The following NPAS3 variants were observed in gnomAD, a reference collection of about 807,000 sequenced individuals.
The protein encoded by NPAS3 is neuronal PAS domain protein 3.
NPAS3 carries 14 observed loss-of-function variants against 73.1 expected under a neutral mutation model. The observed-to-expected ratio is 0.19, with a 90% CI of 0.13 to 0.30. The LOEUF (loss-of-function observed/expected upper bound fraction) is 0.30. Among genes scored for constraint, NPAS3 ranks in the 10% least tolerant of loss-of-function variants. NPAS3 has a pLI of 1.00. For synonymous variants in NPAS3, 620 were observed against 541.5 expected (o/e 1.14, Z -2.01); for missense variants, 1,096 against 1,250.0 (o/e 0.88, Z 1.86).
chr14:33,682,367 T>C (rs1410870641), intron 6 of NPAS3, among the ~76,000 whole-genome samples: 1 of 152,206 alleles, frequency 6.6e-6, no homozygotes, highest in Non-Finnish European at 1.5e-5. Context: ...ACTAATCCTT[T>C]TGTGTAACCC....
chr14:33,131,842 T>C (rs1025572563), intron 2 of NPAS3, among the ~76,000 whole-genome samples: 2 of 152,142 alleles, frequency 1.3e-5, no homozygotes, highest in Non-Finnish European at 2.9e-5. Flanking sequence ...AGGAGTAAAC[T>C]GGGAACGTAA....
chr14:33,483,859 G>C (rs1345753898), intron 4 of NPAS3, among the ~76,000 whole-genome samples: 1 of 152,198 alleles, frequency 6.6e-6, no homozygotes, highest in African/African-American at 2.4e-5. Context: ...CAGCTTTGCA[G>C]ATATTTCCAG....
chr14:33,030,273 T>C (rs1038891737), intron 1 of NPAS3, among the ~76,000 whole-genome samples: 7 of 152,168 alleles, frequency 4.6e-5, no homozygotes, highest in Non-Finnish European at 8.8e-5. Flanking sequence ...GAGTTCAAAC[T>C]CAGTGATTGC....
intron 4 of NPAS3, among the ~76,000 whole-genome samples, chr14:33,392,851 A>G (rs2047066799): frequency 6.6e-6 from 1 of 152,010 alleles, no homozygotes; most frequent in South Asian, 2.1e-4. Context: ...TTCCTCTGCT[A>G]TCCCATGTCT....
intron 7 of NPAS3, among the ~76,000 whole-genome samples, chr14:33,759,059 T>C (rs568586533): frequency 5.9e-5 from 9 of 152,320 alleles, no homozygotes; most frequent in Middle Eastern, 3.4e-3. Flanking sequence ...AAGTGTGTCA[T>C]AATGCCCACT....
intron 3 of NPAS3, among the ~76,000 whole-genome samples, chr14:33,347,203 A>G (rs1044560345): frequency 6.6e-6 from 1 of 152,214 alleles, no homozygotes; most frequent in Non-Finnish European, 1.5e-5. Context: ...CTACTCAAAG[A>G]TTCACTTTCT....
chr14:33,332,679 G>C (rs183578483), intron 3 of NPAS3, among the ~76,000 whole-genome samples: 2 of 152,232 alleles, frequency 1.3e-5, no homozygotes, highest in East Asian at 1.9e-4. Flanking sequence ...AAACGCTTCC[G>C]ATTTTTCTAC....
At chr14:33,440,393 C>A (rs1234205482) in intron 4 of NPAS3, among the ~76,000 whole-genome samples, 1 of 152,110 alleles carries the variant, frequency 6.6e-6, no homozygotes, top group East Asian at 1.9e-4. Flanking sequence ...GCAACCCTGT[C>A]CCCCGACCAA....
At chr14:33,688,919 C>T (rs994415007) in intron 6 of NPAS3, among the ~76,000 whole-genome samples, 3 of 152,174 alleles carry the variant, frequency 2.0e-5, no homozygotes, top group Non-Finnish European at 4.4e-5. Context: ...GTTGTTCTAT[C>T]GGATTTGTAG....
At chr14:33,168,677 C>G (rs1040378817) in intron 2 of NPAS3, among the ~76,000 whole-genome samples, 1 of 152,074 alleles carries the variant, frequency 6.6e-6, no homozygotes, top group South Asian at 2.1e-4. Context: ...CTGCATTTTC[C>G]TCTCCTGATT....
intron 3 of NPAS3, among the ~76,000 whole-genome samples, chr14:33,249,602 A>G (rs2048508311): frequency 1.3e-5 from 2 of 151,548 alleles, no homozygotes; most frequent in East Asian, 3.9e-4. Flanking sequence ...CTTCCTGGGG[A>G]CCTGCAGGAT....
At chr14:33,198,314 A>T (rs2046462896) in intron 2 of NPAS3, among the ~76,000 whole-genome samples, 1 of 152,156 alleles carries the variant, frequency 6.6e-6, no homozygotes, top group Non-Finnish European at 1.5e-5. Context: ...GGCCCCACCC[A>T]CATCCTGCTG....
chr14:32,959,180 A>G (rs916570685), intron 1 of NPAS3, among the ~76,000 whole-genome samples: 6 of 152,052 alleles, frequency 3.9e-5, no homozygotes, highest in Non-Finnish European at 5.9e-5. Flanking sequence ...TAGACACACT[A>G]TTTGCTTATT....
At chr14:33,196,593 A>C (rs2046363765) in intron 2 of NPAS3, among the ~76,000 whole-genome samples, 2 of 152,246 alleles carry the variant, frequency 1.3e-5, no homozygotes, top group Non-Finnish European at 2.9e-5. Context: ...AATCTCCGCT[A>C]TACAAATAAG....
intron 4 of NPAS3, among the ~76,000 whole-genome samples, chr14:33,518,828 T>A (rs2053429927): frequency 6.6e-6 from 1 of 152,050 alleles, no homozygotes; most frequent in Non-Finnish European, 1.5e-5. Flanking sequence ...TGAACAGTTG[T>A]CCATGCACTC....
chr14:33,381,847 A>C (rs1054754619), intron 4 of NPAS3, among the ~76,000 whole-genome samples: 2 of 152,162 alleles, frequency 1.3e-5, no homozygotes, highest in African/African-American at 4.8e-5. Context: ...TTTGAGGAAA[A>C]TGACATGGCT....
At chr14:33,593,984 G>A (rs1272244121) in intron 5 of NPAS3, among the ~76,000 whole-genome samples, 2 of 152,138 alleles carry the variant, frequency 1.3e-5, no homozygotes, top group South Asian at 2.1e-4. Flanking sequence ...ATTATCAGGT[G>A]TACTTTGTCC....
At chr14:33,339,059 G>A (rs1029844955) in intron 3 of NPAS3, among the ~76,000 whole-genome samples, 4 of 152,100 alleles carry the variant, frequency 2.6e-5, no homozygotes, top group African/African-American at 4.8e-5. Flanking sequence ...TTTCAGTAAC[G>A]TCGAATTTTG....
chr14:33,723,772 T>C (rs2061184530), intron 6 of NPAS3, among the ~76,000 whole-genome samples: 1 of 151,880 alleles, frequency 6.6e-6, no homozygotes, highest in Admixed American at 6.6e-5. Context: ...CTGTTCTTAA[T>C]GCCATTGTCT....
Sources: gnomAD v4.1 joint callset for allele counts (sites outside exome capture counted in the v4.1 genomes callset) on GRCh38, gnomAD v4.1.1 for gene constraint, MANE v1.5 for transcripts, NCBI Gene and HGNC (gene_info 2026-07-23, HGNC 2026-07-21) for gene names.